MYRFL: variants seen among roughly 807,000 people sequenced by gnomAD.
MYRFL encodes the protein myelin regulatory factor like, also known as myelin regulatory factor-like protein.
In MYRFL, 88 loss-of-function variants were observed where a neutral mutation model predicts 109.4. That is an observed-to-expected ratio of 0.80 (90% CI 0.68 to 0.96). The LOEUF is 0.96. Among genes scored for constraint, MYRFL ranks in the 40% least tolerant of loss-of-function variants. MYRFL has a pLI of 0.00. For synonymous variants in MYRFL, 324 were observed against 320.9 expected (o/e 1.01, Z -0.10); for missense variants, 957 against 954.9 (o/e 1.00, Z -0.03).
rs888097049 is a variant in MYRFL at position 69,864,935 on chromosome 12, G to A, written c.137+9565G>A. Among the ~76,000 whole-genome samples, 7 of 152,248 alleles carry A rather than the reference G, an allele frequency of 4.6e-5. No individual in the cohort carries two copies. In the East Asian group the frequency reaches 9.6e-4, roughly 21 times the overall value. ...TGTCTTCTCCTAAAGCGAATGTTCC[G>A]CTGATTCCACCTGGGTTCTGTATAA... is the stretch of plus-strand genomic sequence containing the variant. On this transcript the variant is annotated intron_variant, in intron 2 of 24. Transcript: ENST00000552032.
At chr12:69,864,021 T>G (rs1884855508) in intron 2 of MYRFL, among the ~76,000 whole-genome samples, 1 of 152,236 alleles carries the variant, frequency 6.6e-6, no homozygotes, top group South Asian at 2.1e-4. Flanking sequence ...AAACAGCTAT[T>G]TGAATCATTG....
chr12:69,859,326 A>T (rs74101355), intron 2 of MYRFL, among the ~76,000 whole-genome samples: 3,212 of 152,194 alleles, frequency 0.021, 114 homozygotes, highest in African/African-American at 0.073. Context: ...CTGTTGTTGG[A>T]TAGTATTCTA....
At chr12:69,890,578 A>G (rs1886737194) in intron 6 of MYRFL, among the ~76,000 whole-genome samples, 1 of 152,186 alleles carries the variant, frequency 6.6e-6, no homozygotes, top group Non-Finnish European at 1.5e-5. Context: ...TACTAAAAAT[A>G]CAAAAATTAG....
At chr12:69,929,676 G>T (rs182152426) in intron 15 of MYRFL, among the ~76,000 whole-genome samples, 3 of 152,302 alleles carry the variant, frequency 2.0e-5, no homozygotes, top group Admixed American at 2.0e-4. Context: ...AAAACAGATA[G>T]TAAAAAGGAG....
intron 1 of MYRFL, among the ~76,000 whole-genome samples, chr12:69,853,482 G>A (rs1460949125): frequency 3.3e-5 from 5 of 150,972 alleles, no homozygotes; most frequent in East Asian, 2.0e-4. Context: ...AGACGGAGTC[G>A]CGGCCAGGCA....
intron 21 of MYRFL, among the ~76,000 whole-genome samples, chr12:69,955,052 T>G (rs1466551150): frequency 6.6e-6 from 1 of 152,178 alleles, no homozygotes; most frequent in Non-Finnish European, 1.5e-5. Context: ...GGGACTAAAG[T>G]CATTTCCTGT....
intron 19 of MYRFL, among the ~76,000 whole-genome samples, chr12:69,949,680 A>G (rs991414604): frequency 6.7e-6 from 1 of 149,128 alleles, no homozygotes; most frequent in African/African-American, 2.5e-5. Context: ...CCCTTCAGCT[A>G]TCATTAGTGT....
Position 69,897,197 on chromosome 12 carries a change from A to G in MYRFL, c.1133A>G (p.Asp378Gly). Residue 378 changes from aspartate to glycine, a missense_variant, in exon 10 of 25, where the codon GAC becomes GGC. By Grantham distance (94) the Asp-to-Gly change is moderately conservative. Coordinates refer to ENST00000552032, the MANE Select transcript of MYRFL (RefSeq NM_182530.3). ...LVVGLYAANQ[D>G]QFYLLSAHIS... ...GTTGGACTGTATGCTGCTAACCAAG[A>G]CCAGTTCTATCTGTTGTCTGCCCAC... The G allele has an allele frequency of 6.5e-7, 1 of 1,535,826 alleles. No individual in the cohort carries two copies. The highest frequency in any genetic ancestry group is 1.4e-5 in the African/African-American group (1 of 73,122).
intron 1 of MYRFL, among the ~76,000 whole-genome samples, chr12:69,852,070 T>C (rs1023053084): frequency 1.3e-5 from 2 of 152,218 alleles, no homozygotes; most frequent in South Asian, 2.1e-4. Context: ...TTGGGAGAAA[T>C]AGTTGAATTG....
chr12:69,914,674 A>ACAAC (rs1954677130), intron 13 of MYRFL, among the ~76,000 whole-genome samples: 1 of 152,180 alleles, frequency 6.6e-6, no homozygotes, highest in Non-Finnish European at 1.5e-5. Flanking sequence ...AGGAGAGGCT[A>ACAAC]CAACCTAAGC....
At chr12:69,838,915 T>A (rs1883094548) in intron 1 of MYRFL, among the ~76,000 whole-genome samples, 1 of 152,254 alleles carries the variant, frequency 6.6e-6, no homozygotes, top group African/African-American at 2.4e-5. Context: ...CTTCTTAGTT[T>A]GAATCCCATT....
intron 1 of MYRFL, among the ~76,000 whole-genome samples, chr12:69,830,991 A>T (rs1882596765): frequency 6.6e-6 from 1 of 152,196 alleles, no homozygotes; most frequent in Admixed American, 6.5e-5. Context: ...AACATTCAAT[A>T]CATGGACAAT....
At chr12:69,945,942 C>G (rs1955822569) in intron 19 of MYRFL, among the ~76,000 whole-genome samples, 1 of 135,700 alleles carries the variant, frequency 7.4e-6, no homozygotes, top group Non-Finnish European at 1.6e-5. Flanking sequence ...AGCCGAGATC[C>G]CGCCACTGCC....
intron 1 of MYRFL, among the ~76,000 whole-genome samples, chr12:69,836,668 A>G (rs1045859056): frequency 2.0e-5 from 3 of 152,204 alleles, no homozygotes; most frequent in African/African-American, 4.8e-5. Context: ...TTCCTTAAGA[A>G]GCATTTGAAG....
intron 2 of MYRFL, among the ~76,000 whole-genome samples, chr12:69,874,412 A>C (rs779336683): frequency 1.3e-5 from 2 of 152,192 alleles, no homozygotes; most frequent in Admixed American, 6.5e-5. Context: ...TCCTGGTCTT[A>C]AGCAACTCTT....
chr12:69,830,380 C>A (rs1302764889), intron 1 of MYRFL, among the ~76,000 whole-genome samples: 1 of 150,150 alleles, frequency 6.7e-6, no homozygotes, highest in Non-Finnish European at 1.5e-5. Context: ...CCTATACTGT[C>A]CTTGTTTATA....
At chr12:69,899,613 G>T (rs1954118391) in intron 10 of MYRFL, among the ~76,000 whole-genome samples, 1 of 152,182 alleles carries the variant, frequency 6.6e-6, no homozygotes, top group South Asian at 2.1e-4. Flanking sequence ...TTGTTCTGTG[G>T]CCTAAGAACC....
At chr12:69,900,215 A>C (rs534266501) in intron 10 of MYRFL, among the ~76,000 whole-genome samples, 1 of 152,324 alleles carries the variant, frequency 6.6e-6, no homozygotes, top group Admixed American at 6.5e-5. Flanking sequence ...ACCTAGGGTT[A>C]GGGAAGATGA....
intron 2 of MYRFL, among the ~76,000 whole-genome samples, chr12:69,860,263 C>T (rs1438997202): frequency 6.6e-6 from 1 of 152,190 alleles, no homozygotes; most frequent in Non-Finnish European, 1.5e-5. Context: ...ATCCATGTCC[C>T]TGCAAAGGAC....
Sources: gnomAD v4.1 joint callset for allele counts (sites outside exome capture counted in the v4.1 genomes callset) on GRCh38, gnomAD v4.1.1 for gene constraint, MANE v1.5 for transcripts, NCBI Gene and HGNC (gene_info 2026-07-23, HGNC 2026-07-21) for gene names.